TMCO1: variants seen among roughly 807,000 people sequenced by gnomAD.
TMCO1 encodes transmembrane and coiled-coil domains 1.
In TMCO1, 29 loss-of-function variants were observed where a neutral mutation model predicts 29.3. That is an observed-to-expected ratio of 0.99 (90% CI 0.74 to 1.35). The LOEUF (loss-of-function observed/expected upper bound fraction) is 1.35. Among genes scored for constraint, TMCO1 ranks in the 40% most tolerant of loss-of-function variants. TMCO1 has a pLI of 0.00. For synonymous variants in TMCO1, 80 were observed against 77.1 expected (o/e 1.04, Z -0.20); for missense variants, 173 against 225.5 (o/e 0.77, Z 1.49).
chr1:165,732,477 TTCTCTCTCTCTCTC>T (rs143135718), intron 6 of TMCO1, among the ~76,000 whole-genome samples: 1 of 144,048 alleles, frequency 6.9e-6, no homozygotes, highest in African/African-American at 2.6e-5. Context: ...AGCAAATGGT[TTCTCTCTCTCTCTC>T]TCTCTCTCTC....
chr1:165,742,879 T>TA (rs1651647072), intron 6 of TMCO1, among the ~76,000 whole-genome samples: 1 of 152,200 alleles, frequency 6.6e-6, no homozygotes, highest in African/African-American at 2.4e-5. Flanking sequence ...ACCCACTCTC[T>TA]ACTTTTGCAG....
chr1:165,751,294 G>A (rs1483324075), intron 5 of TMCO1, among the ~76,000 whole-genome samples: 3 of 152,130 alleles, frequency 2.0e-5, no homozygotes, highest in Non-Finnish European at 4.4e-5. Flanking sequence ...CTGAAAAAGA[G>A]GGAACATATT....
rs1416328552 is a variant in TMCO1 at position 165,727,209 on chromosome 1, G to C, written c.*814C>G. On this transcript the variant is annotated 3_prime_UTR_variant, in exon 7 of 7. Transcript: ENST00000367881. The stretch of plus-strand genomic sequence containing the variant: ...AACCTTGTCTCCAAGGGAGATCTAA[G>C]AGTGCCCCCACAAGAATCTGAGAGA... 6.6e-6 allele frequency: 3 copies of C among 454,032 alleles called. No individual in the cohort carries two copies. The highest frequency in any genetic ancestry group is 4.7e-5 in the South Asian group (3 of 64,470). 28.1% of individuals were successfully genotyped at this position (454,032 alleles called of 1,614,324 possible).
At chr1:165,754,830 C>CA (rs1652135152) in intron 3 of TMCO1, 1 of 153,594 alleles carries the variant, frequency 6.5e-6, no homozygotes, top group African/African-American at 2.4e-5. Context: ...CCTGTCTCTG[C>CA]AAAAAATTTA....
At chr1:165,750,433 C>T (rs60728589) in intron 5 of TMCO1, among the ~76,000 whole-genome samples, 1,996 of 150,580 alleles carry the variant, frequency 0.013, 54 homozygotes, top group African/African-American at 0.047. Flanking sequence ...CCCAGCTACT[C>T]GGGAGGCTGA....
intron 5 of TMCO1, among the ~76,000 whole-genome samples, chr1:165,745,890 G>A (rs969160301): frequency 2.6e-5 from 4 of 151,938 alleles, no homozygotes; most frequent in South Asian, 4.1e-4. Flanking sequence ...TATATTATGC[G>A]AACCTCCACT....
intron 5 of TMCO1, among the ~76,000 whole-genome samples, chr1:165,748,083 C>T (rs113538292): frequency 0.013 from 1,992 of 151,302 alleles, 51 homozygotes; most frequent in African/African-American, 0.046. Flanking sequence ...CGCTTGAACC[C>T]GGGAGGTGGA....
chr1:165,743,318 G>GAAAA lies in TMCO1; in HGVS notation c.324-11_324-8dup. ...CACCACTCTACCATCAAATCTAAAA[G>GAAAA]AAAAAAAAAAAAAAAGAATTGTTAT... On this transcript the variant is annotated splice_region_variant and splice_polypyrimidine_tract_variant and intron_variant, in intron 5 of 6. Transcript: ENST00000367881. 2 of 1,346,496 alleles carry GAAAA rather than the reference G, an allele frequency of 1.5e-6. No homozygotes were observed. Among genetic ancestry groups the GAAAA allele is most frequent in the South Asian group, 1.3e-5 (1 of 78,400 alleles). The allele number at this position is 1,346,496 out of a possible 1,614,324, so 83.4% of individuals were successfully genotyped here.
chr1:165,750,716 T>C (rs1017002898), intron 5 of TMCO1, among the ~76,000 whole-genome samples: 1 of 152,176 alleles, frequency 6.6e-6, no homozygotes, highest in Non-Finnish European at 1.5e-5. Flanking sequence ...TCTTCTGTAT[T>C]AAAGTTTATA....
chr1:165,730,220 C>T (rs1321100862), intron 6 of TMCO1, among the ~76,000 whole-genome samples: 1 of 151,290 alleles, frequency 6.6e-6, no homozygotes, highest in Non-Finnish European at 1.5e-5. Flanking sequence ...CCTGTAGTCC[C>T]AGCTACTCAG....
chr1:165,724,670 T>C (rs1220444390), downstream of TMCO1: 2 of 453,942 alleles, frequency 4.4e-6, no homozygotes, highest in Non-Finnish European at 8.8e-6. Flanking sequence ...ATTGAAGAAA[T>C]TTAGGATGTG....
chr1:165,747,987 C>T (rs1231338987), intron 5 of TMCO1, among the ~76,000 whole-genome samples: 1 of 151,988 alleles, frequency 6.6e-6, no homozygotes, highest in Non-Finnish European at 1.5e-5. Flanking sequence ...GGTGAAACCC[C>T]ATGTCTACTA....
intron 3 of TMCO1, 122 bp from the exon 4 acceptor site, chr1:165,754,396 T>C (rs1652114752): frequency 9.3e-6 from 7 of 752,732 alleles, no homozygotes; most frequent in African/African-American, 1.7e-5. Flanking sequence ...AATAAGATGA[T>C]GAAAACACCT....
chr1:165,766,564 GA>G (rs1210100291), intron 2 of TMCO1, among the ~76,000 whole-genome samples: 3 of 152,120 alleles, frequency 2.0e-5, no homozygotes, highest in African/African-American at 7.2e-5. Flanking sequence ...TAGCCGGGAG[GA>G]TCGCTTGAGC....
chr1:165,726,003 T>A (rs543404029), downstream of TMCO1: 1 of 684,948 alleles, frequency 1.5e-6, no homozygotes, highest in African/African-American at 1.8e-5. Context: ...AGAAGTCTGA[T>A]TAGAAAGCAC....
chr1:165,765,563 T>C (rs1652539408), intron 2 of TMCO1, among the ~76,000 whole-genome samples: 1 of 152,252 alleles, frequency 6.6e-6, no homozygotes, highest in African/African-American at 2.4e-5. Flanking sequence ...ATTACAGGCC[T>C]GAGCCACCGC....
intron 6 of TMCO1, among the ~76,000 whole-genome samples, chr1:165,742,195 T>C (rs1371009369): frequency 6.6e-6 from 1 of 152,174 alleles, no homozygotes; most frequent in African/African-American, 2.4e-5. Context: ...CGAACGGCAA[T>C]ATGTTCAGAA....
chr1:165,757,733 G>A (rs927675902), intron 3 of TMCO1, among the ~76,000 whole-genome samples: 1 of 152,176 alleles, frequency 6.6e-6, no homozygotes, highest in East Asian at 1.9e-4. Flanking sequence ...CCTGACCTCA[G>A]GTGACCCACC....
In TMCO1 at chr1:165,727,321, C is replaced by T. The variant is rs1429405981; in HGVS notation, c.*702G>A. 1 of 453,368 alleles carries T rather than the reference C, an allele frequency of 2.2e-6. No homozygotes were observed. Among genetic ancestry groups the T allele is most frequent in the East Asian group, 7.0e-5 (1 of 14,380 alleles). 28.1% of individuals were successfully genotyped at this position (453,368 alleles called of 1,614,324 possible). ...AATTTTTTTTCAGACATCAGTGTTA[C>T]TTGCCAAGACCCTCATTTTTAAACT... On this transcript the variant is annotated 3_prime_UTR_variant, in exon 7 of 7. Coordinates refer to ENST00000367881, the MANE Select transcript of TMCO1 (RefSeq NM_019026.6).
Sources: gnomAD v4.1 joint callset for allele counts (sites outside exome capture counted in the v4.1 genomes callset) on GRCh38, gnomAD v4.1.1 for gene constraint, MANE v1.5 for transcripts, NCBI Gene and HGNC (gene_info 2026-07-23, HGNC 2026-07-21) for gene names.